PAFAH2: variants seen among roughly 807,000 people sequenced by gnomAD.
The protein encoded by PAFAH2 is platelet activating factor acetylhydrolase 2.
PAFAH2 carries 42 observed loss-of-function variants against 49.0 expected under a neutral mutation model. The ratio of observed to expected loss-of-function variants is 0.86; its 90% CI spans 0.67 to 1.11. PAFAH2 has a LOEUF of 1.11. PAFAH2 is among the 50% of genes least tolerant of loss of function. The pLI is 0.00. For synonymous variants in PAFAH2, 184 were observed against 181.3 expected, an observed-to-expected ratio of 1.01 and a Z score of -0.12; for missense variants, 503 against 501.8, an observed-to-expected ratio of 1.00 and a Z score of -0.02.
chr1:25,995,346 C>T (rs1382055253), intron 1 of PAFAH2, among the ~76,000 whole-genome samples: 2 of 152,176 alleles, frequency 1.3e-5, no homozygotes, highest in African/African-American at 4.8e-5. Flanking sequence ...AACAGTGGTC[C>T]ATAGAGAATC....
At chr1:25,967,529 T>C (rs1206634154) in intron 10 of PAFAH2, among the ~76,000 whole-genome samples, 1 of 151,478 alleles carries the variant, frequency 6.6e-6, no homozygotes, top group Admixed American at 6.6e-5. Flanking sequence ...AAGATGGGGG[T>C]TTCCCAGAGG....
At chr1:25,980,262 T>C (rs2049662970) in intron 7 of PAFAH2, among the ~76,000 whole-genome samples, 1 of 152,194 alleles carries the variant, frequency 6.6e-6, no homozygotes, top group African/African-American at 2.4e-5. Flanking sequence ...GAATGCTTAC[T>C]GCATAAGTTT....
chr1:25,966,150 C>G (rs762814264), intron 10 of PAFAH2, among the ~76,000 whole-genome samples: 2 of 152,016 alleles, frequency 1.3e-5, no homozygotes, highest in Non-Finnish European at 2.9e-5. Context: ...AGAAAGGGAA[C>G]ACTTATGCAC....
intron 4 of PAFAH2, 91 bp downstream of exon 4, chr1:25,988,140 G>C: frequency 1.3e-6 from 1 of 777,240 alleles, no homozygotes; most frequent in South Asian, 1.8e-5. Context: ...AGATGGAAAT[G>C]TCTTTTTTTT....
intron 4 of PAFAH2, among the ~76,000 whole-genome samples, chr1:25,986,719 C>T (rs1275330454): frequency 1.3e-5 from 2 of 151,962 alleles, no homozygotes; most frequent in African/African-American, 4.8e-5. Flanking sequence ...TTAGTAGAGA[C>T]AGGGTTTCTC....
chr1:25,976,672 G>C lies in PAFAH2; in HGVS notation c.758+10C>G. On this transcript the variant is annotated intron_variant, in intron 8 of 10. Coordinates refer to ENST00000374282, the MANE Select transcript of PAFAH2 (RefSeq NM_000437.4). ...GGAGCTAAGCACAGCAACACTACTAGGAAACTCACCGAAATTGGGTCTCCT... is the reference window on the plus strand; with the variant it reads ...GGAGCTAAGCACAGCAACACTACTACGAAACTCACCGAAATTGGGTCTCCT... 3 of 1,606,448 alleles carry C rather than the reference G, an allele frequency of 1.9e-6. No homozygotes were observed. Among genetic ancestry groups the C allele is most frequent in the Non-Finnish European group, 1.7e-6 (2 of 1,172,968 alleles).
intron 10 of PAFAH2, among the ~76,000 whole-genome samples, chr1:25,971,218 C>T (rs2049504572): frequency 6.6e-6 from 1 of 152,158 alleles, no homozygotes; most frequent in Non-Finnish European, 1.5e-5. Context: ...ATGGAAACTG[C>T]CCTGCACACA....
intron 1 of PAFAH2, 21 bp from the exon 2 acceptor site, chr1:25,990,884 C>T: frequency 7.8e-7 from 1 of 1,285,246 alleles, no homozygotes; most frequent in Middle Eastern, 1.9e-4. Context: ...GAACACAGAA[C>T]AGCAGCCGCT....
chr1:25,965,526 T>C (rs369042410), intron 10 of PAFAH2, among the ~76,000 whole-genome samples: 153 of 152,076 alleles, frequency 1.0e-3, no homozygotes, highest in African/African-American at 3.5e-3. Context: ...CCAGAATCTA[T>C]AAGGAAAGGC....
intron 7 of PAFAH2, among the ~76,000 whole-genome samples, chr1:25,981,235 CAT>C (rs1242863144): frequency 2.0e-5 from 3 of 151,882 alleles, no homozygotes; most frequent in Non-Finnish European, 4.4e-5. Flanking sequence ...AAAATATACA[CAT>C]ATTAATACAT....
rs546358283 is a variant in PAFAH2, at chr1:25,982,302, G to A, written c.666+62C>T. ...GTTCATACCAGTTAGTTAGGTTTCT[G>A]TTACTTGTAACCGAGAAAACCCTGA... On this transcript the variant is annotated intron_variant, in intron 7 of 10. Coordinates refer to ENST00000374282, the MANE Select transcript of PAFAH2 (RefSeq NM_000437.4). 7 of 1,216,448 alleles carry A rather than the reference G, an allele frequency of 5.8e-6. No individual in the cohort carries two copies. In the African/African-American group the frequency reaches 7.5e-5, roughly 13 times the overall value. The allele number at this position is 1,216,448 out of a possible 1,614,324, so 75.4% of individuals were successfully genotyped here.
intron 7 of PAFAH2, among the ~76,000 whole-genome samples, chr1:25,978,478 G>C (rs1220203168): frequency 2.6e-5 from 4 of 152,100 alleles, no homozygotes; most frequent in Non-Finnish European, 5.9e-5. Flanking sequence ...CAGTGACTTG[G>C]CCATGGTACA....
At chr1:25,991,255 A>G (rs1411281609) in intron 1 of PAFAH2, among the ~76,000 whole-genome samples, 1 of 151,736 alleles carries the variant, frequency 6.6e-6, no homozygotes. Flanking sequence ...ACATTGCATC[A>G]TTTCATTGTC....
chr1:25,972,815 C>T, intron 9 of PAFAH2, 103 bp from the exon 10 acceptor site: 1 of 1,160,866 alleles, frequency 8.6e-7, no homozygotes. Flanking sequence ...TATTATCACA[C>T]TTTATTTTCA....
Position 25,976,793 on chromosome 1 carries a change from T to C in PAFAH2, c.667-20A>G, listed in dbSNP as rs1371724899. The stretch of plus-strand genomic sequence containing the variant: ...GTTGCCCTGAGGAAAGTGGAGAACT[T>C]AGCCAAGTCAGAAACTCAGGACTGC... On this transcript the variant is annotated intron_variant, in intron 7 of 10. Transcript: ENST00000374282. 1 of 1,599,534 alleles carries C rather than the reference T, an allele frequency of 6.3e-7. No homozygotes were observed. The highest frequency in any genetic ancestry group is 2.2e-5 in the East Asian group (1 of 44,826).
intron 1 of PAFAH2, among the ~76,000 whole-genome samples, chr1:25,996,800 C>T (rs2049943314): frequency 6.6e-6 from 1 of 152,146 alleles, no homozygotes; most frequent in African/African-American, 2.4e-5. Context: ...ATGGATACTT[C>T]GTAAGTGAAA....
Position 25,972,800 on chromosome 1 carries a change from T to C in PAFAH2, c.930-88A>G, listed in dbSNP as rs2049530544. The C allele has an allele frequency of 5.5e-6, 7 of 1,269,636 alleles. 1 individual carries two copies. The South Asian group carries it at 7.7e-5, about 14-fold the overall frequency. 78.6% of individuals were successfully genotyped at this position (1,269,636 alleles called of 1,614,324 possible). On this transcript the variant is annotated intron_variant, in intron 9 of 10. Coordinates refer to ENST00000374282, the MANE Select transcript of PAFAH2 (RefSeq NM_000437.4). ...GCACCTACTATGTGCAAGGTGCTTT[T>C]CATGTATTATCACACTTTATTTTCA...
intron 8 of PAFAH2, among the ~76,000 whole-genome samples, chr1:25,974,857 T>C (rs1426816216): frequency 6.6e-6 from 1 of 152,140 alleles, no homozygotes; most frequent in African/African-American, 2.4e-5. Flanking sequence ...GATTTCAAAC[T>C]CTCTGAGAAC....
chr1:25,988,241 C>T lies in PAFAH2; in HGVS notation c.331G>A (p.Gly111Arg). Residue 111 changes from glycine (G) to arginine (R), a missense_variant, in exon 4 of 11, where the codon GGA becomes AGA. Transcript: ENST00000374282. ...GAAAGAAGCTCTTACCTGAAGGCTC[C>T]TAGGCCATGGGAGAAGATGATCAAG... Reference protein sequence around the residue: ...YPLIIFSHGLGAFRTLYSAFC... With the variant: ...YPLIIFSHGLRAFRTLYSAFC... 6.2e-7 allele frequency: 1 copy of T among 1,603,852 alleles called. No homozygotes were observed. Among genetic ancestry groups the T allele is most frequent in the Non-Finnish European group, 8.5e-7 (1 of 1,175,072 alleles).
Sources: allele counts gnomAD v4.1 joint callset (sites outside exome capture counted in the v4.1 genomes callset), GRCh38; gene constraint gnomAD v4.1.1; transcripts MANE v1.5; gene names NCBI Gene and HGNC (gene_info 2026-07-23, HGNC 2026-07-21).